OSBPL1A: variants seen among roughly 807,000 people sequenced by gnomAD.
OSBPL1A encodes the protein oxysterol binding protein like 1A, also known as oxysterol-binding protein-related protein 1.
OSBPL1A carries 80 observed loss-of-function variants against 137.1 expected under a neutral mutation model. The ratio of observed to expected loss-of-function variants is 0.58; its 90% CI spans 0.49 to 0.70. The LOEUF (loss-of-function observed/expected upper bound fraction) is 0.70. Ranked by LOEUF, OSBPL1A falls within the 30% of genes least tolerant of loss-of-function variation. OSBPL1A has a pLI of 0.00. For synonymous variants in OSBPL1A, 365 were observed against 389.7 expected (o/e 0.94, Z 0.75); for missense variants, 970 against 1,129.4 (o/e 0.86, Z 2.02).
At chr18:24,338,265 A>G (rs1291925259) in intron 5 of OSBPL1A, among the ~76,000 whole-genome samples, 2 of 149,366 alleles carry the variant, frequency 1.3e-5, no homozygotes, top group East Asian at 2.0e-4. Flanking sequence ...TATTTTTAGT[A>G]AAGACGGGGT....
chr18:24,234,306 T>G (rs1327110124), intron 16 of OSBPL1A, among the ~76,000 whole-genome samples: 1 of 152,186 alleles, frequency 6.6e-6, no homozygotes, highest in Non-Finnish European at 1.5e-5. Context: ...GAAATTTCAC[T>G]TGACATAACC....
intron 20 of OSBPL1A, among the ~76,000 whole-genome samples, chr18:24,178,526 C>T (rs1447108117): frequency 1.3e-5 from 2 of 152,070 alleles, no homozygotes; most frequent in East Asian, 1.9e-4. Context: ...CTCCTGACCT[C>T]GTGATCAACC....
chr18:24,253,438 G>A (rs759834909), intron 15 of OSBPL1A, among the ~76,000 whole-genome samples: 1 of 152,100 alleles, frequency 6.6e-6, no homozygotes, highest in Non-Finnish European at 1.5e-5. Context: ...TTGTGTAACC[G>A]CCCAATGGGC....
chr18:24,227,841 A>C (rs2088135530), intron 16 of OSBPL1A, among the ~76,000 whole-genome samples: 1 of 152,230 alleles, frequency 6.6e-6, no homozygotes, highest in Admixed American at 6.5e-5. Flanking sequence ...GTATTATTTA[A>C]GACACAGTAT....
At chr18:24,177,085 T>G (rs996763656) in intron 21 of OSBPL1A, among the ~76,000 whole-genome samples, 1 of 152,196 alleles carries the variant, frequency 6.6e-6, no homozygotes, top group Non-Finnish European at 1.5e-5. Flanking sequence ...CTCACACTCT[T>G]TGAACCCCAG....
intron 15 of OSBPL1A, among the ~76,000 whole-genome samples, chr18:24,259,199 G>A (rs1342892409): frequency 6.6e-6 from 1 of 151,980 alleles, no homozygotes; most frequent in East Asian, 1.9e-4. Context: ...GAGCCACCAC[G>A]CCTGGCCTAA....
intron 15 of OSBPL1A, among the ~76,000 whole-genome samples, chr18:24,253,644 G>T (rs1319040618): frequency 6.6e-6 from 1 of 152,184 alleles, no homozygotes; most frequent in African/African-American, 2.4e-5. Context: ...GGGGAGTGCT[G>T]ACTGGTCAGG....
intron 4 of OSBPL1A, among the ~76,000 whole-genome samples, chr18:24,351,278 G>A (rs1252091596): frequency 2.0e-5 from 3 of 146,810 alleles, no homozygotes; most frequent in African/African-American, 7.7e-5. Flanking sequence ...GAACCCGGGA[G>A]GCAAAGGTTG....
intron 18 of OSBPL1A, among the ~76,000 whole-genome samples, chr18:24,189,703 T>C (rs527887970): frequency 6.6e-6 from 1 of 152,354 alleles, no homozygotes; most frequent in East Asian, 1.9e-4. Context: ...AGTTTATCAC[T>C]GCATGAGGTT....
At chr18:24,267,844 CTTT>C (rs576043512) in intron 15 of OSBPL1A, among the ~76,000 whole-genome samples, 1 of 141,974 alleles carries the variant, frequency 7.0e-6, no homozygotes. Context: ...AGAGGTATGC[CTTT>C]TTTTTTTTTT....
intron 15 of OSBPL1A, among the ~76,000 whole-genome samples, chr18:24,279,037 A>G (rs890128264): frequency 4.6e-5 from 7 of 152,198 alleles, no homozygotes; most frequent in African/African-American, 7.2e-5. Flanking sequence ...TTTGTTTTAA[A>G]TGATTTTTAT....
chr18:24,359,052 AC>A (rs973382216), intron 4 of OSBPL1A, among the ~76,000 whole-genome samples: 7 of 152,140 alleles, frequency 4.6e-5, no homozygotes, highest in African/African-American at 1.7e-4. Flanking sequence ...CCCTGTCCCT[AC>A]AAAAAATACA....
intron 21 of OSBPL1A, among the ~76,000 whole-genome samples, chr18:24,174,243 C>G (rs1022971171): frequency 4.6e-5 from 7 of 152,146 alleles, no homozygotes; most frequent in South Asian, 2.1e-4. Context: ...AAGGCAAATA[C>G]CTAGGTGTGA....
intron 17 of OSBPL1A, among the ~76,000 whole-genome samples, chr18:24,213,066 C>A (rs1036412085): frequency 6.6e-6 from 1 of 152,148 alleles, no homozygotes; most frequent in Admixed American, 6.5e-5. Flanking sequence ...TAAATGAGCA[C>A]CATATCTTAC....
At chr18:24,385,025 A>G (rs558781736) in intron 1 of OSBPL1A, among the ~76,000 whole-genome samples, 14 of 148,756 alleles carry the variant, frequency 9.4e-5, no homozygotes, top group East Asian at 5.9e-4. Flanking sequence ...CACAATCTCG[A>G]CTCACTGCAA....
intron 5 of OSBPL1A, among the ~76,000 whole-genome samples, chr18:24,334,999 C>T (rs1459181220): frequency 6.6e-6 from 1 of 152,108 alleles, no homozygotes; most frequent in Admixed American, 6.6e-5. Context: ...ACACAATTCT[C>T]CTGCCTCAGC....
chr18:24,322,426 T>C (rs1245868848), intron 7 of OSBPL1A, among the ~76,000 whole-genome samples: 2 of 152,030 alleles, frequency 1.3e-5, no homozygotes, highest in African/African-American at 4.8e-5. Flanking sequence ...CGGCCTTGTA[T>C]GTGGCTTTAA....
At chr18:24,273,033 G>A (rs1441356047) in intron 15 of OSBPL1A, among the ~76,000 whole-genome samples, 1 of 152,136 alleles carries the variant, frequency 6.6e-6, no homozygotes, top group Non-Finnish European at 1.5e-5. Flanking sequence ...AGCTTCCTGA[G>A]TAGCTGGGAT....
chr18:24,271,677 C>A lies in OSBPL1A; in HGVS notation c.1281+9165G>T. ...CGCTCCACCCTGCGCTCCTCGCAAG[C>A]TCCAGCGCGAATGCGCTCGGCCTGC... On this transcript the variant is annotated intron_variant, in intron 15 of 27. Transcript: ENST00000319481. The surrounding 1 kb of genome is among the most constrained non-coding windows in gnomAD (Gnocchi z 4.0). 1.0e-6 allele frequency: 1 copy of A among 985,816 alleles called. No individual in the cohort carries two copies. The highest frequency in any genetic ancestry group is 1.2e-6 in the Non-Finnish European group (1 of 830,218). 61.1% of individuals were successfully genotyped at this position (985,816 alleles called of 1,614,324 possible).
Sources: allele counts gnomAD v4.1 joint callset (sites outside exome capture counted in the v4.1 genomes callset), GRCh38; gene constraint gnomAD v4.1.1; non-coding constraint Gnocchi (gnomAD v3.1); transcripts MANE v1.5; gene names NCBI Gene and HGNC (gene_info 2026-07-23, HGNC 2026-07-21).